The following XPA variants were observed in gnomAD, a reference collection of about 807,000 sequenced individuals.
XPA encodes the protein DNA repair protein complementing XP-A cells.
Under a neutral mutation model 35.7 loss-of-function variants are expected in XPA, and 27 were observed. The observed-to-expected ratio is 0.76, with a 90% CI of 0.56 to 1.04. XPA has a LOEUF of 1.04. Among genes scored for constraint, XPA ranks in the 50% least tolerant of loss-of-function variants. The pLI, the probability that XPA is intolerant of heterozygous loss-of-function variation, is 0.00. For synonymous variants in XPA, 133 were observed against 118.4 expected, an observed-to-expected ratio of 1.12 and a Z score of -0.80; for missense variants, 354 against 342.7, an observed-to-expected ratio of 1.03 and a Z score of -0.26.
intron 4 of XPA, among the ~76,000 whole-genome samples, chr9:97,686,003 A>G (rs3176685): frequency 0.12 from 17,979 of 152,268 alleles, 3,010 homozygotes; most frequent in African/African-American, 0.37. Context: ...AAGTGATAAG[A>G]AAGCATATGT....
chr9:97,668,954 C>A, the XPA span: 1 of 1,610,814 alleles, frequency 6.2e-7, no homozygotes, highest in East Asian at 2.2e-5. Context: ...ACAAAAGAAT[C>A]TTTTCCTCGT....
chr9:97,690,521 G>A (rs920415387), intron 2 of XPA, among the ~76,000 whole-genome samples: 2 of 152,166 alleles, frequency 1.3e-5, no homozygotes, highest in Non-Finnish European at 2.9e-5. Flanking sequence ...CCAAGTAGCT[G>A]GGATTACAGG....
At chr9:97,670,894 C>G, downstream of XPA, among the ~76,000 whole-genome samples, 1 of 152,110 alleles carries the variant, frequency 6.6e-6, no homozygotes, top group East Asian at 1.9e-4. Flanking sequence ...ATTGAGCATC[C>G]ATTTTTTTCA....
At chr9:97,685,579 A>G (rs140688909) in intron 4 of XPA, among the ~76,000 whole-genome samples, 3 of 152,170 alleles carry the variant, frequency 2.0e-5, no homozygotes, top group Non-Finnish European at 4.4e-5. Flanking sequence ...ACTTTACATT[A>G]TATACCTTTA....
downstream of XPA, chr9:97,670,106 A>G (rs754953444): frequency 6.1e-6 from 2 of 328,632 alleles, no homozygotes; most frequent in South Asian, 2.6e-5. Flanking sequence ...TATTTTTAGT[A>G]GGGACAGAGT....
chr9:97,680,533 A>G (rs1034666879), intron 5 of XPA, among the ~76,000 whole-genome samples: 7 of 152,292 alleles, frequency 4.6e-5, no homozygotes, highest in African/African-American at 1.2e-4. Context: ...GTCGAATGCC[A>G]TTGTTCTGAG....
At chr9:97,695,039 A>G (rs1054279453) in intron 1 of XPA, among the ~76,000 whole-genome samples, 3 of 152,226 alleles carry the variant, frequency 2.0e-5, no homozygotes, top group African/African-American at 7.2e-5. Context: ...AGGTAATACC[A>G]ATCAAATGGT....
At chr9:97,669,063 G>T in the XPA span, 1 of 1,359,816 alleles carries the variant, frequency 7.4e-7, no homozygotes, top group Non-Finnish European at 1.0e-6. Flanking sequence ...CATTGTAAAA[G>T]GAATACACAT....
intron 2 of XPA, among the ~76,000 whole-genome samples, chr9:97,691,149 C>T (rs1353451890): frequency 6.6e-6 from 1 of 152,184 alleles, no homozygotes; most frequent in Non-Finnish European, 1.5e-5. Context: ...GAGACAACAA[C>T]AGAATTCACT....
At chr9:97,676,436 C>A (rs1828367905) in intron 5 of XPA, among the ~76,000 whole-genome samples, 1 of 152,172 alleles carries the variant, frequency 6.6e-6, no homozygotes, top group Non-Finnish European at 1.5e-5. Flanking sequence ...CACCAGTGAT[C>A]CACCCAGTTC....
the XPA span, among the ~76,000 whole-genome samples, chr9:97,664,750 C>A: frequency 3.3e-5 from 5 of 152,262 alleles, no homozygotes; most frequent in South Asian, 1.0e-3. Context: ...TGTGCAGAGT[C>A]TCAGCTAGTC....
At chr9:97,694,138 C>T (rs972456412) in intron 1 of XPA, among the ~76,000 whole-genome samples, 1 of 152,220 alleles carries the variant, frequency 6.6e-6, no homozygotes, top group African/African-American at 2.4e-5. Context: ...GAGAAATATA[C>T]TGTGTATGGA....
chr9:97,685,185 A>G (rs1359340129), intron 4 of XPA, 145 bp from the exon 5 acceptor site: 1 of 630,306 alleles, frequency 1.6e-6, no homozygotes, highest in Non-Finnish European at 2.7e-6. Context: ...AAAGATTTTA[A>G]ATATTAATGA....
At chr9:97,661,124 T>C in the XPA span, 1 of 1,594,412 alleles carries the variant, frequency 6.3e-7, no homozygotes, top group Non-Finnish European at 8.5e-7. Flanking sequence ...ACTTAAAGCA[T>C]AAACATAACT....
At chr9:97,687,363 T>C (rs1828752707) in intron 3 of XPA, 102 bp from the exon 4 acceptor site, 23 of 1,008,194 alleles carry the variant, frequency 2.3e-5, no homozygotes, top group Middle Eastern at 3.3e-4. Context: ...AAAGGACATA[T>C]AAAATACTTT....
At chr9:97,654,838 G>T in the XPA span, 1 of 1,542,320 alleles carries the variant, frequency 6.5e-7, no homozygotes, top group South Asian at 1.1e-5. Flanking sequence ...AACTTATTTG[G>T]GATAAAAGTG....
chr9:97,684,551 T>C (rs548674294), intron 5 of XPA, among the ~76,000 whole-genome samples: 1 of 152,346 alleles, frequency 6.6e-6, no homozygotes, highest in African/African-American at 2.4e-5. Flanking sequence ...GCATGGCTTT[T>C]CATTTTAAGC....
chr9:97,685,446 C>T (rs1828687925), intron 4 of XPA, among the ~76,000 whole-genome samples: 1 of 152,178 alleles, frequency 6.6e-6, no homozygotes, highest in African/African-American at 2.4e-5. Flanking sequence ...TTACCAATTA[C>T]TACTACTCAT....
chr9:97,684,778 T>C, intron 5 of XPA, 145 bp downstream of exon 5: 1 of 741,666 alleles, frequency 1.3e-6, no homozygotes, highest in Non-Finnish European at 2.4e-6. Flanking sequence ...ACCAACATAC[T>C]GAGGGCAAAC....
Sources: allele counts gnomAD v4.1 joint callset (sites outside exome capture counted in the v4.1 genomes callset), GRCh38; gene constraint gnomAD v4.1.1; transcripts MANE v1.5; gene names NCBI Gene and HGNC (gene_info 2026-07-23, HGNC 2026-07-21).